The following NRXN3 variants were observed in gnomAD, a reference collection of about 807,000 sequenced individuals.
NRXN3 encodes the protein neurexin III.
Under a neutral mutation model 137.6 loss-of-function variants are expected in NRXN3, and 32 were observed. That is an observed-to-expected ratio of 0.23 (90% confidence interval 0.18 to 0.31). NRXN3 has a LOEUF of 0.31. Ranked by LOEUF, NRXN3 falls within the 10% of genes least tolerant of loss-of-function variation. The probability of loss-of-function intolerance (pLI) is 1.00; values close to 1 mark genes in which losing one functional copy is unlikely to be tolerated. For synonymous variants in NRXN3, 798 were observed against 784.5 expected (o/e 1.02, Z -0.29); for missense variants, 1,574 against 2,062.5 (o/e 0.76, Z 4.59).
At chr14:79,685,512 AG>A (rs1301011764) in intron 17 of NRXN3, among the ~76,000 whole-genome samples, 1 of 152,158 alleles carries the variant, frequency 6.6e-6, no homozygotes, top group Non-Finnish European at 1.5e-5. Flanking sequence ...CCTTTTTGAG[AG>A]GGGCTCTTAA....
intron 4 of NRXN3, among the ~76,000 whole-genome samples, chr14:78,614,671 A>G (rs758490685): frequency 2.0e-5 from 3 of 152,120 alleles, no homozygotes; most frequent in Non-Finnish European, 4.4e-5. Flanking sequence ...GTATCACCCC[A>G]CAGAAAACAT....
At chr14:78,396,960 C>T (rs2091519896) in intron 4 of NRXN3, among the ~76,000 whole-genome samples, 1 of 152,150 alleles carries the variant, frequency 6.6e-6, no homozygotes, top group African/African-American at 2.4e-5. Context: ...AGTTCTCTCT[C>T]TTCCTCTTCC....
At chr14:78,920,808 C>T (rs939142700) in intron 10 of NRXN3, among the ~76,000 whole-genome samples, 2 of 152,038 alleles carry the variant, frequency 1.3e-5, no homozygotes, top group Admixed American at 1.3e-4. Flanking sequence ...TTAGGAACAG[C>T]CAAATTGAAG....
intron 15 of NRXN3, among the ~76,000 whole-genome samples, chr14:79,089,111 G>T (rs2134365): frequency 1 from 152,212 of 152,214 alleles, 76,105 homozygotes; most frequent in Non-Finnish European, 1. Context: ...TCCTCCCTAT[G>T]TCCCACCTGT....
Position 78,913,155 on chromosome 14 carries a change from C to CA in NRXN3, c.2276-44082dup, listed in dbSNP as rs1304630534. On this transcript the variant is annotated intron_variant, in intron 10 of 20. Transcript: ENST00000335750. Reference sequence around the variant, plus strand: ...ACAAGTACAGGTCGGAAAGTAAGCACAAAAATGAGAAACTCAATTCCATTT... The same window carrying CA: ...ACAAGTACAGGTCGGAAAGTAAGCACAAAAAATGAGAAACTCAATTCCATTT... Among the ~76,000 whole-genome samples the CA allele has an allele frequency of 3.3e-5, 5 of 151,300 alleles. No individual in the cohort carries two copies. In the East Asian group the frequency reaches 9.8e-4, roughly 30 times the overall value.
chr14:78,177,323 G>A (rs746934455), intron 1 of NRXN3, among the ~76,000 whole-genome samples: 4 of 152,130 alleles, frequency 2.6e-5, no homozygotes, highest in Non-Finnish European at 5.9e-5. Flanking sequence ...CTCTAGGGTT[G>A]GTCTTGACCT....
At chr14:78,661,846 G>A (rs547091602) in intron 6 of NRXN3, among the ~76,000 whole-genome samples, 2 of 151,712 alleles carry the variant, frequency 1.3e-5, no homozygotes, top group African/African-American at 4.8e-5. Context: ...TAGCTGACAT[G>A]TAGAAAATGT....
intron 8 of NRXN3, among the ~76,000 whole-genome samples, chr14:78,776,838 A>G (rs1441091110): frequency 6.6e-6 from 1 of 152,222 alleles, no homozygotes; most frequent in African/African-American, 2.4e-5. Flanking sequence ...TACATCAGAG[A>G]CCAACTGGAG....
At chr14:79,535,360 AGT>A (rs2097202145) in intron 16 of NRXN3, among the ~76,000 whole-genome samples, 2 of 152,170 alleles carry the variant, frequency 1.3e-5, no homozygotes, top group Non-Finnish European at 2.9e-5. Flanking sequence ...CGGGAGAATG[AGT>A]GTGTTGTGAG....
At chr14:79,741,561 T>C (rs2098963160) in intron 19 of NRXN3, among the ~76,000 whole-genome samples, 2 of 152,120 alleles carry the variant, frequency 1.3e-5, no homozygotes, top group Admixed American at 1.3e-4. Context: ...CTTGGCTTAC[T>C]GCAACCTCCG....
intron 4 of NRXN3, among the ~76,000 whole-genome samples, chr14:78,542,239 G>A (rs1158505548): frequency 6.6e-6 from 1 of 152,244 alleles, no homozygotes; most frequent in East Asian, 1.9e-4. Flanking sequence ...GTCTGCACAA[G>A]TTGTCTGCTG....
chr14:78,333,827 T>G (rs1413411330), intron 4 of NRXN3, among the ~76,000 whole-genome samples: 1 of 152,086 alleles, frequency 6.6e-6, no homozygotes, highest in East Asian at 1.9e-4. Flanking sequence ...GTAGAGAATC[T>G]CTCTTGTATT....
At chr14:78,870,293 A>G (rs986362578) in intron 10 of NRXN3, among the ~76,000 whole-genome samples, 3 of 152,240 alleles carry the variant, frequency 2.0e-5, no homozygotes, top group African/African-American at 7.2e-5. Context: ...TTGGAACATA[A>G]TAGTTGCTCA....
intron 4 of NRXN3, among the ~76,000 whole-genome samples, chr14:78,633,088 A>T (rs909758431): frequency 6.3e-5 from 9 of 142,774 alleles, no homozygotes; most frequent in South Asian, 2.4e-4. Context: ...ATAAAAAAAT[A>T]AAAAATTAAA....
intron 4 of NRXN3, among the ~76,000 whole-genome samples, chr14:78,484,027 CAG>C (rs144035954): frequency 0.024 from 3,291 of 136,362 alleles, 71 homozygotes; most frequent in East Asian, 0.15. Context: ...CACACACACA[CAG>C]AGAGAGAGAG....
At chr14:79,354,185 A>G (rs2093336710) in intron 15 of NRXN3, among the ~76,000 whole-genome samples, 1 of 152,186 alleles carries the variant, frequency 6.6e-6, no homozygotes, top group Non-Finnish European at 1.5e-5. Context: ...AACATAAATA[A>G]TAGAAGTCCC....
At chr14:78,322,512 C>A (rs1228238503) in intron 4 of NRXN3, among the ~76,000 whole-genome samples, 1 of 151,972 alleles carries the variant, frequency 6.6e-6, no homozygotes, top group East Asian at 1.9e-4. Context: ...CCGTGATATA[C>A]CACCTTCTGT....
chr14:79,385,907 C>G (rs754294707), intron 15 of NRXN3, among the ~76,000 whole-genome samples: 2 of 152,060 alleles, frequency 1.3e-5, no homozygotes, highest in African/African-American at 2.4e-5. Flanking sequence ...ATTCAACAGC[C>G]CTTCATGCTA....
At chr14:79,315,081 G>A (rs147164690) in intron 15 of NRXN3, among the ~76,000 whole-genome samples, 1 of 152,286 alleles carries the variant, frequency 6.6e-6, no homozygotes, top group African/African-American at 2.4e-5. Flanking sequence ...GGAATTCCCA[G>A]GTGATAATGT....
Sources: gnomAD v4.1 joint callset for allele counts (sites outside exome capture counted in the v4.1 genomes callset) on GRCh38, gnomAD v4.1.1 for gene constraint, MANE v1.5 for transcripts, NCBI Gene and HGNC (gene_info 2026-07-23, HGNC 2026-07-21) for gene names.